The following SLC1A3 variants were observed in gnomAD, a reference collection of about 807,000 sequenced individuals.
SLC1A3 encodes the protein excitatory amino acid transporter 1.
SLC1A3 carries 21 observed loss-of-function variants against 48.1 expected under a neutral mutation model. The observed-to-expected ratio is 0.44, with a 90% CI of 0.31 to 0.63. The LOEUF is 0.63. Ranked by LOEUF, SLC1A3 falls within the 20% of genes least tolerant of loss-of-function variation. SLC1A3 has a pLI of 0.08. For missense variants in SLC1A3, 546 were observed against 689.0 expected (o/e 0.79, Z 2.32); for synonymous variants, 239 against 251.4 (o/e 0.95, Z 0.47).
intron 4 of SLC1A3, among the ~76,000 whole-genome samples, chr5:36,672,246 G>A (rs1433761122): frequency 2.0e-5 from 3 of 152,166 alleles, no homozygotes; most frequent in African/African-American, 7.2e-5. Context: ...CCTGTGATCT[G>A]TCAGTGCATG....
At chr5:36,617,415 CTTTTTTTTTT>C (rs34710652) in intron 2 of SLC1A3, among the ~76,000 whole-genome samples, 2 of 57,688 alleles carry the variant, frequency 3.5e-5, no homozygotes, top group Non-Finnish European at 6.3e-5. Flanking sequence ...AGGTTGCGGG[CTTTTTTTTTT>C]TTTTTTTTTT....
chr5:36,599,598 C>T (rs765573789), intron 1 of SLC1A3, among the ~76,000 whole-genome samples: 3 of 141,694 alleles, frequency 2.1e-5, no homozygotes, highest in Non-Finnish European at 3.0e-5. Context: ...CAAGCTCCGC[C>T]TCCAGGGTTC....
upstream of SLC1A3, among the ~76,000 whole-genome samples, chr5:36,601,527 G>A (rs957237996): frequency 1.3e-5 from 2 of 152,226 alleles, no homozygotes; most frequent in Non-Finnish European, 2.9e-5. Flanking sequence ...ATGGGACCAG[G>A]AGCCCAGAGA....
intron 2 of SLC1A3, among the ~76,000 whole-genome samples, chr5:36,625,697 A>G (rs1423820524): frequency 2.0e-5 from 3 of 152,234 alleles, no homozygotes; most frequent in African/African-American, 7.2e-5. Flanking sequence ...CTATCACTCT[A>G]AACAACACCT....
At chr5:36,662,347 T>C (rs1741548414) in intron 3 of SLC1A3, among the ~76,000 whole-genome samples, 1 of 152,176 alleles carries the variant, frequency 6.6e-6, no homozygotes, top group African/African-American at 2.4e-5. Flanking sequence ...CTTTGCTTTT[T>C]GCTGCTATTT....
intron 2 of SLC1A3, among the ~76,000 whole-genome samples, chr5:36,614,014 G>GC (rs549079167): frequency 4.7e-4 from 72 of 152,318 alleles, no homozygotes; most frequent in African/African-American, 1.7e-3. Flanking sequence ...TGACGGTGTA[G>GC]CCCAGTAAGG....
chr5:36,602,884 G>T (rs1218225325), upstream of SLC1A3, among the ~76,000 whole-genome samples: 1 of 152,200 alleles, frequency 6.6e-6, no homozygotes, highest in Non-Finnish European at 1.5e-5. Flanking sequence ...GGACAAGTGG[G>T]CTGGAGAGTG....
chr5:36,643,427 A>G (rs1346627359), intron 3 of SLC1A3, among the ~76,000 whole-genome samples: 2 of 152,190 alleles, frequency 1.3e-5, no homozygotes, highest in African/African-American at 2.4e-5. Context: ...AATGTCAAGT[A>G]TATTTTTATG....
chr5:36,657,968 A>C (rs1197376557), intron 3 of SLC1A3, among the ~76,000 whole-genome samples: 2 of 152,232 alleles, frequency 1.3e-5, no homozygotes, highest in African/African-American at 2.4e-5. Context: ...AGCTACTAAG[A>C]GGGTGTTGAA....
In SLC1A3 at chr5:36,688,192, C is replaced by G. The variant is rs748811006; in HGVS notation, c.*1923C>G. 1 of 152,184 alleles carries G rather than the reference C, an allele frequency of 6.6e-6. No individual in the cohort carries two copies. The highest frequency in any genetic ancestry group is 6.5e-5 in the Admixed American group (1 of 15,276). 9.4% of individuals were successfully genotyped at this position (152,184 alleles called of 1,614,324 possible). A position where few individuals can be genotyped will look rare whatever the true frequency, so the allele number is the denominator to read the frequency against. ...AATATGTGTTTTTTAATATACTAAC[C>G]ATTTCTTATGGAAAGGTCCTGTGGG... is the stretch of plus-strand genomic sequence containing the variant. On this transcript the variant is annotated 3_prime_UTR_variant, in exon 10 of 10. Coordinates refer to ENST00000265113, the MANE Select transcript of SLC1A3 (RefSeq NM_004172.5).
At chr5:36,646,241 C>T (rs1171907782) in intron 3 of SLC1A3, among the ~76,000 whole-genome samples, 1 of 152,166 alleles carries the variant, frequency 6.6e-6, no homozygotes, top group African/African-American at 2.4e-5. Flanking sequence ...TGACGAAGGA[C>T]AATCTGGAAT....
At chr5:36,670,004 T>C (rs529351612) in intron 3 of SLC1A3, 2 of 150,558 alleles carry the variant, frequency 1.3e-5, no homozygotes, top group South Asian at 4.2e-4. Flanking sequence ...TACACTATAA[T>C]TGGATTTTAG....
intron 2 of SLC1A3, among the ~76,000 whole-genome samples, chr5:36,623,700 A>C (rs762880772): frequency 2.1e-4 from 22 of 103,292 alleles, no homozygotes; most frequent in Non-Finnish European, 3.5e-4. Context: ...CTAAAAATAC[A>C]AAAAAAAAAA....
At chr5:36,624,600 G>T (rs2111734542) in intron 2 of SLC1A3, among the ~76,000 whole-genome samples, 1 of 152,306 alleles carries the variant, frequency 6.6e-6, no homozygotes, top group Non-Finnish European at 1.5e-5. Context: ...GTGAGGACTT[G>T]GTATCTGCCA....
intron 9 of SLC1A3, 97 bp downstream of exon 9, chr5:36,684,095 C>T: frequency 6.8e-7 from 1 of 1,469,320 alleles, no homozygotes; most frequent in Non-Finnish European, 9.5e-7. Flanking sequence ...AGAAAGAACT[C>T]TGAGGAGAGG....
intron 3 of SLC1A3, among the ~76,000 whole-genome samples, chr5:36,651,884 T>C (rs3776578): frequency 0.072 from 10,931 of 152,138 alleles, 531 homozygotes; most frequent in African/African-American, 0.13. Flanking sequence ...GCATAACATT[T>C]TTCAGAAAGG....
At position 36,681,199 on chromosome 5, in the gene SLC1A3, T is replaced by G. The variant is rs187954723; in HGVS notation, c.1289+610T>G. Among the ~76,000 whole-genome samples, 41 of 152,334 alleles carry G rather than the reference T, an allele frequency of 2.7e-4. No homozygotes were observed. The East Asian group carries it at 7.5e-3, about 28-fold the overall frequency. ...GGTTTGGAAAGACTTTTCCTATGCA[T>G]AGACATGCACACACTTCTTTTTTGT... is the stretch of plus-strand genomic sequence containing the variant. On this transcript the variant is annotated intron_variant, in intron 8 of 9. Coordinates refer to ENST00000265113, the MANE Select transcript of SLC1A3 (RefSeq NM_004172.5).
chr5:36,629,481 C>T lies in SLC1A3; in HGVS notation c.213C>T (p.Tyr71=), dbSNP rs1294203555. 1 of 1,603,126 alleles carries T rather than the reference C, an allele frequency of 6.2e-7. No individual in the cohort carries two copies. Among genetic ancestry groups the T allele is most frequent in the Admixed American group, 1.7e-5 (1 of 59,160 alleles). ...TCCTTGGATTTACCCTCCGACCATA[C>T]AGAATGAGCTACCGGGAAGTCAAGT... ...GTILGFTLRP[Y]RMSYREVKYF... is the part of the protein sequence containing the mutation. The change falls in exon 3 of 10, where the codon TAC becomes TAT. Residue 71 remains tyrosine (Y), a synonymous_variant. Transcript: ENST00000265113.
intron 3 of SLC1A3, among the ~76,000 whole-genome samples, chr5:36,635,450 G>A (rs1434180279): frequency 6.6e-6 from 1 of 152,206 alleles, no homozygotes; most frequent in South Asian, 2.1e-4. Flanking sequence ...GATTTCACAA[G>A]TCTCATTTGT....
Sources: allele counts gnomAD v4.1 joint callset (sites outside exome capture counted in the v4.1 genomes callset), GRCh38; gene constraint gnomAD v4.1.1; transcripts MANE v1.5; gene names NCBI Gene and HGNC (gene_info 2026-07-23, HGNC 2026-07-21).